ZMYND8: variants seen among roughly 807,000 people sequenced by gnomAD.
ZMYND8 encodes the protein zinc finger MYND-type containing 8.
A neutral mutation model predicts 140.8 loss-of-function variants in ZMYND8; 37 were observed. That is an observed-to-expected ratio of 0.26 (90% CI 0.20 to 0.35). The LOEUF is 0.35. ZMYND8 is among the 10% of genes least tolerant of loss of function. The probability of loss-of-function intolerance (pLI) is 1.00; values close to 1 mark genes in which losing one functional copy is unlikely to be tolerated. For synonymous variants in ZMYND8, 592 were observed against 597.1 expected, an observed-to-expected ratio of 0.99 and a Z score of 0.12; for missense variants, 1,068 against 1,570.0, an observed-to-expected ratio of 0.68 and a Z score of 5.40.
chr20:47,270,149 G>T (rs1337222381), intron 11 of ZMYND8, among the ~76,000 whole-genome samples: 1 of 151,330 alleles, frequency 6.6e-6, no homozygotes, highest in African/African-American at 2.4e-5. Context: ...AGGCAGCGGG[G>T]ACTGCTTGAG....
chr20:47,216,432 T>C (rs1451191289), intron 21 of ZMYND8, among the ~76,000 whole-genome samples: 1 of 134,720 alleles, frequency 7.4e-6, no homozygotes, highest in African/African-American at 2.9e-5. Flanking sequence ...GAGGCAAAGG[T>C]TGTAGTGAGC....
At chr20:47,268,333 A>C (rs2075689261) in intron 11 of ZMYND8, among the ~76,000 whole-genome samples, 2 of 126,558 alleles carry the variant, frequency 1.6e-5, no homozygotes, top group Admixed American at 9.4e-5. Flanking sequence ...TCGCTCTGTC[A>C]CCCAGGCTGG....
At chr20:47,342,467 A>C (rs1434157309) in intron 2 of ZMYND8, among the ~76,000 whole-genome samples, 1 of 151,024 alleles carries the variant, frequency 6.6e-6, no homozygotes, top group Non-Finnish European at 1.5e-5. Context: ...GAATTGCTTG[A>C]ACCAGGGAAG....
intron 16 of ZMYND8, among the ~76,000 whole-genome samples, chr20:47,234,250 T>A (rs1251488465): frequency 6.6e-6 from 1 of 152,230 alleles, no homozygotes; most frequent in African/African-American, 2.4e-5. Context: ...GGTTTCACGA[T>A]GTTGCCCAGG....
intron 16 of ZMYND8, among the ~76,000 whole-genome samples, chr20:47,231,487 T>G (rs2038477866): frequency 6.6e-6 from 1 of 152,246 alleles, no homozygotes; most frequent in African/African-American, 2.4e-5. Context: ...TGCAGCTCGT[T>G]ACCTGCCACG....
chr20:47,228,223 A>G lies in ZMYND8; in HGVS notation c.2938-942T>C, dbSNP rs190596639. 1.4e-3 allele frequency among the ~76,000 whole-genome samples: 217 copies of G among 152,292 alleles called. 2 individuals carry two copies. The highest frequency in any genetic ancestry group is 2.7e-3 in the South Asian group (13 of 4,824). ...ATGTCTGGAGTCATTTGCGGTTGTC[A>G]CAATTGAGCAGTGTTGCTGACAGGG... is the stretch of plus-strand genomic sequence containing the variant. On this transcript the variant is annotated intron_variant, in intron 17 of 22. Transcript: ENST00000471951.
At chr20:47,234,006 G>A (rs2038890126) in intron 16 of ZMYND8, among the ~76,000 whole-genome samples, 1 of 152,226 alleles carries the variant, frequency 6.6e-6, no homozygotes, top group East Asian at 1.9e-4. Flanking sequence ...TCACTTCTGT[G>A]ACTGGCCTAA....
intron 4 of ZMYND8, among the ~76,000 whole-genome samples, chr20:47,296,736 G>A (rs1394188685): frequency 2.0e-5 from 3 of 152,188 alleles, no homozygotes; most frequent in South Asian, 2.1e-4. Context: ...TGGGAGGATC[G>A]CTTGAGCCTA....
At chr20:47,277,005 C>T (rs957103765) in intron 10 of ZMYND8, among the ~76,000 whole-genome samples, 5 of 151,630 alleles carry the variant, frequency 3.3e-5, no homozygotes, top group Admixed American at 1.3e-4. Flanking sequence ...AACAAAACTT[C>T]GGCGAAAACA....
At position 47,224,368 on chromosome 20, in the gene ZMYND8, G is replaced by A; in HGVS notation, c.3205C>T (p.Pro1069Ser). The change falls in exon 19 of 23, where the codon CCC (proline) becomes TCC (serine). Residue 1069 changes from proline (P) to serine (S), a missense_variant. Coordinates refer to ENST00000471951, the MANE Select transcript of ZMYND8 (RefSeq NM_001281775.3). ...TCAGGCCAGTGGGCTTGCTGGCAGG[G>A]GTAGTCACAGTAGCTGGTGTTCCAA... Reference protein sequence around the residue: ...CCWNTSYCDYPCQQAHWPEHM... With the variant: ...CCWNTSYCDYSCQQAHWPEHM... The A allele has an allele frequency of 6.2e-7, 1 of 1,614,244 alleles. No individual in the cohort carries two copies. Among genetic ancestry groups the A allele is most frequent in the Non-Finnish European group, 8.5e-7 (1 of 1,180,030 alleles).
chr20:47,356,693 T>C lies in ZMYND8; in HGVS notation c.-23A>G, dbSNP rs1314211352. On this transcript the variant is annotated 5_prime_UTR_variant, in exon 1 of 23. Transcript: ENST00000471951. ...CATTGTTAACACTGTGTAATGTCAATACTTATAAAACATGGAGGACAGGCT... is the reference window on the plus strand; with the variant it reads ...CATTGTTAACACTGTGTAATGTCAACACTTATAAAACATGGAGGACAGGCT... 1 of 1,614,000 alleles carries C rather than the reference T, an allele frequency of 6.2e-7. No individual in the cohort carries two copies. The highest frequency in any genetic ancestry group is 1.3e-5 in the African/African-American group (1 of 74,890).
chr20:47,252,920 A>G (rs1202683330), intron 12 of ZMYND8, among the ~76,000 whole-genome samples: 3 of 152,222 alleles, frequency 2.0e-5, no homozygotes, highest in Non-Finnish European at 4.4e-5. Flanking sequence ...CCTTATCTCA[A>G]AAAATAAAAT....
intron 3 of ZMYND8, among the ~76,000 whole-genome samples, chr20:47,299,527 T>C (rs138844886): frequency 4.6e-5 from 7 of 152,314 alleles, no homozygotes; most frequent in African/African-American, 1.2e-4. Flanking sequence ...ATTTAGAGAA[T>C]AGATCAATAG....
chr20:47,287,812 C>T (rs1173648375), intron 7 of ZMYND8, among the ~76,000 whole-genome samples: 1 of 150,782 alleles, frequency 6.6e-6, no homozygotes, highest in Admixed American at 6.6e-5. Context: ...GGCAACATAG[C>T]GAGACCCCAC....
At chr20:47,220,890 C>T (rs1177780445) in intron 20 of ZMYND8, among the ~76,000 whole-genome samples, 1 of 152,144 alleles carries the variant, frequency 6.6e-6, no homozygotes, top group East Asian at 1.9e-4. Flanking sequence ...ACCTTCGTGG[C>T]CCAATAGGGC....
chr20:47,309,623 T>C (rs1156917527), intron 3 of ZMYND8, among the ~76,000 whole-genome samples: 3 of 152,060 alleles, frequency 2.0e-5, no homozygotes, highest in Admixed American at 2.0e-4. Flanking sequence ...CCCTTCATTT[T>C]ACAGATGAGA....
chr20:47,281,823 A>G, intron 10 of ZMYND8, among the ~76,000 whole-genome samples: 1 of 152,178 alleles, frequency 6.6e-6, no homozygotes, highest in Non-Finnish European at 1.5e-5. Context: ...ACAAAAAAGA[A>G]CAGCAGCACT....
chr20:47,316,274 T>C (rs2148294676), intron 2 of ZMYND8, among the ~76,000 whole-genome samples: 1 of 147,392 alleles, frequency 6.8e-6, no homozygotes, highest in South Asian at 2.1e-4. Context: ...GAGGTTGCAG[T>C]AAGCCGAGAT....
chr20:47,253,871 C>T (rs944616164), intron 12 of ZMYND8, among the ~76,000 whole-genome samples: 1 of 152,186 alleles, frequency 6.6e-6, no homozygotes, highest in Non-Finnish European at 1.5e-5. Flanking sequence ...AGGTAAATTC[C>T]CTCATTTTAC....
Sources: allele counts gnomAD v4.1 joint callset (sites outside exome capture counted in the v4.1 genomes callset), GRCh38; gene constraint gnomAD v4.1.1; transcripts MANE v1.5; gene names NCBI Gene and HGNC (gene_info 2026-07-23, HGNC 2026-07-21).